Variants in NHS observed in about 807,000 individuals in gnomAD.
NHS encodes the protein NHS actin remodeling regulator.
Under a neutral mutation model 72.5 loss-of-function variants are expected in NHS, and 5 were observed. That is an observed-to-expected ratio of 0.07 (90% CI 0.04 to 0.14). The LOEUF (loss-of-function observed/expected upper bound fraction) is 0.14, where lower values mean the gene tolerates loss of function less well. Ranked by LOEUF, NHS falls within the 10% of genes least tolerant of loss-of-function variation. The pLI, the probability that NHS is intolerant of heterozygous loss-of-function variation, is 1.00. For missense variants in NHS, 1,072 were observed against 1,355.7 expected (o/e 0.79, Z 3.29); for synonymous variants, 464 against 547.7 (o/e 0.85, Z 2.13).
intron 3 of NHS, among the ~76,000 whole-genome samples, chrX:17,697,381 C>T (rs938657282): frequency 8.9e-6 from 1 of 111,888 alleles, no homozygotes; most frequent in Non-Finnish European, 1.9e-5. Flanking sequence ...TTGTGAAACA[C>T]ACCAAAGCCA....
intron 3 of NHS, among the ~76,000 whole-genome samples, chrX:17,711,346 A>C (rs1241244835): frequency 1.8e-5 from 2 of 111,859 alleles, no homozygotes; most frequent in Non-Finnish European, 3.8e-5. Context: ...CTGACCAGCC[A>C]GCAGGAAGCA....
intron 1 of NHS, among the ~76,000 whole-genome samples, chrX:17,410,891 T>C (rs1360439942): frequency 2.7e-5 from 3 of 111,907 alleles, no homozygotes; most frequent in Non-Finnish European, 3.8e-5. Context: ...TATGAATCAT[T>C]TGGAAGGAGC....
intron 1 of NHS, among the ~76,000 whole-genome samples, chrX:17,497,834 C>A (rs1355291070): frequency 2.7e-5 from 3 of 111,932 alleles, no homozygotes; most frequent in Non-Finnish European, 5.6e-5. Context: ...TTTATGCATG[C>A]TCCTATTGAT....
At chrX:17,692,252 C>A in intron 2 of NHS, 83 bp from the exon 3 acceptor site, 1 of 1,107,356 alleles carries the variant, frequency 9.0e-7, no homozygotes, top group Non-Finnish European at 1.2e-6. Flanking sequence ...TTTTTTACAG[C>A]CTTTTGCTAA....
chrX:17,520,109 T>C (rs1377464843), intron 1 of NHS, among the ~76,000 whole-genome samples: 3 of 111,653 alleles, frequency 2.7e-5, no homozygotes, highest in Non-Finnish European at 5.6e-5. Flanking sequence ...TTTGTGAATT[T>C]ATGGGAAACC....
chrX:17,541,170 A>G (rs996694458), intron 1 of NHS, among the ~76,000 whole-genome samples: 7 of 112,221 alleles, frequency 6.2e-5, no homozygotes, highest in Non-Finnish European at 1.3e-4. Flanking sequence ...ATGCCATGTG[A>G]TAGACACTGC....
chrX:17,642,260 C>G (rs1162989480), intron 1 of NHS, among the ~76,000 whole-genome samples: 1 of 112,204 alleles, frequency 8.9e-6, no homozygotes, highest in African/African-American at 3.2e-5. Flanking sequence ...GTATATCTTT[C>G]TAAGTTTTGG....
chrX:17,703,318 A>G (rs1163068528), intron 3 of NHS, among the ~76,000 whole-genome samples: 3 of 111,181 alleles, frequency 2.7e-5, no homozygotes, highest in Admixed American at 9.5e-5. Flanking sequence ...TAAAAAGAAG[A>G]ATTGTGTGTC....
At chrX:17,533,883 A>G (rs112219103) in intron 1 of NHS, among the ~76,000 whole-genome samples, 6,814 of 112,525 alleles carry the variant, frequency 0.061, 550 homozygotes, top group African/African-American at 0.21. Context: ...AATGTCTAAC[A>G]CTATGTCCAA....
At chrX:17,535,811 G>A (rs375228275) in intron 1 of NHS, among the ~76,000 whole-genome samples, 3 of 111,194 alleles carry the variant, frequency 2.7e-5, no homozygotes. Flanking sequence ...TGAACTCCTG[G>A]GCTCAAGTGA....
chrX:17,519,727 G>A (rs979819618), intron 1 of NHS, among the ~76,000 whole-genome samples: 2 of 111,583 alleles, frequency 1.8e-5, no homozygotes, highest in East Asian at 2.8e-4. Context: ...AGCTATAGTC[G>A]TATTTCTTTG....
At chrX:17,398,981 G>A (rs2064489435) in intron 1 of NHS, among the ~76,000 whole-genome samples, 1 of 111,948 alleles carries the variant, frequency 8.9e-6, no homozygotes, top group Non-Finnish European at 1.9e-5. Context: ...TCTTAATTTG[G>A]ACATTGGAAA....
intron 1 of NHS, chrX:17,586,094 G>C (rs927986542): frequency 3.6e-5 from 4 of 110,944 alleles, no homozygotes; most frequent in Non-Finnish European, 5.7e-5. Context: ...CCTTGTCTTG[G>C]TTCTGCCACC....
intron 1 of NHS, among the ~76,000 whole-genome samples, chrX:17,455,394 A>G (rs756530853): frequency 8.9e-6 from 1 of 111,885 alleles, no homozygotes; most frequent in African/African-American, 3.3e-5. Context: ...CACCATTATC[A>G]TGATAACATA....
intron 1 of NHS, among the ~76,000 whole-genome samples, chrX:17,452,652 G>A (rs1307445026): frequency 8.9e-6 from 1 of 111,808 alleles, no homozygotes; most frequent in Non-Finnish European, 1.9e-5. Flanking sequence ...GCATGAGAGA[G>A]AGAGGCTGTC....
At chrX:17,655,236 C>T (rs2065947452) in intron 1 of NHS, among the ~76,000 whole-genome samples, 1 of 111,971 alleles carries the variant, frequency 8.9e-6, no homozygotes, top group Non-Finnish European at 1.9e-5. Context: ...TGGCCATAGA[C>T]TAGGGATAAG....
At chrX:17,390,789 C>T (rs766708389) in intron 1 of NHS, among the ~76,000 whole-genome samples, 3 of 112,407 alleles carry the variant, frequency 2.7e-5, no homozygotes, top group East Asian at 2.8e-4. Flanking sequence ...AAATATATTG[C>T]GTAAGCTTGC....
chrX:17,600,841 TGA>T (rs972802317), intron 1 of NHS, among the ~76,000 whole-genome samples: 4 of 109,732 alleles, frequency 3.6e-5, no homozygotes, highest in African/African-American at 1.3e-4. Context: ...AAGGAGAGAA[TGA>T]GAATATGAGT....
At chrX:17,455,714 C>T (rs111688896) in intron 1 of NHS, among the ~76,000 whole-genome samples, 5,709 of 112,067 alleles carry the variant, frequency 0.051, 392 homozygotes, top group African/African-American at 0.17. Flanking sequence ...CTAGGGTTCA[C>T]GGTAGTGGAT....
Sources: allele counts gnomAD v4.1 joint callset (sites outside exome capture counted in the v4.1 genomes callset), GRCh38; gene constraint gnomAD v4.1.1; transcripts MANE v1.5; gene names NCBI Gene and HGNC (gene_info 2026-07-23, HGNC 2026-07-21).